JAK2: variants seen among roughly 807,000 people sequenced by gnomAD.
JAK2 encodes Janus kinase 2, also known as tyrosine-protein kinase JAK2.
JAK2 carries 86 observed loss-of-function variants against 139.3 expected under a neutral mutation model. That is an observed-to-expected ratio of 0.62 (90% confidence interval 0.52 to 0.74). JAK2 has a LOEUF of 0.74. Ranked by LOEUF, JAK2 falls within the 30% of genes least tolerant of loss-of-function variation. JAK2 has a pLI of 0.00. For missense variants in JAK2, 1,421 were observed against 1,360.3 expected (o/e 1.04, Z -0.70); for synonymous variants, 490 against 437.7 (o/e 1.12, Z -1.49).
intron 2 of JAK2, among the ~76,000 whole-genome samples, chr9:5,006,303 G>T (rs976698422): frequency 6.6e-6 from 1 of 152,126 alleles, no homozygotes; most frequent in African/African-American, 2.4e-5. Flanking sequence ...TGTGTTATTG[G>T]TGTATAAGAA....
At chr9:5,073,929 T>G in intron 14 of JAK2, 144 bp downstream of exon 14, 1 of 604,936 alleles carries the variant, frequency 1.7e-6, no homozygotes, top group Non-Finnish European at 2.9e-6. Context: ...CTGAAAACAC[T>G]GTAGGACTAT....
intron 19 of JAK2, among the ~76,000 whole-genome samples, chr9:5,083,067 G>C (rs1047523742): frequency 2.0e-5 from 3 of 152,174 alleles, no homozygotes; most frequent in African/African-American, 4.8e-5. Context: ...AGATGAATTA[G>C]GCAGTATTAT....
At chr9:5,107,465 C>G (rs1822057890) in intron 22 of JAK2, among the ~76,000 whole-genome samples, 1 of 152,080 alleles carries the variant, frequency 6.6e-6, no homozygotes, top group Non-Finnish European at 1.5e-5. Context: ...GCTATTCAAA[C>G]AAATTACCTA....
chr9:5,029,206 G>A (rs1257808054), intron 3 of JAK2, among the ~76,000 whole-genome samples: 2 of 152,100 alleles, frequency 1.3e-5, no homozygotes, highest in African/African-American at 4.8e-5. Context: ...TTTCCATATT[G>A]TTGTGTCTCA....
chr9:5,012,356 T>C (rs1230474812), intron 2 of JAK2, among the ~76,000 whole-genome samples: 5 of 152,196 alleles, frequency 3.3e-5, no homozygotes, highest in Non-Finnish European at 7.3e-5. Context: ...TGCCTTCAAA[T>C]GGTGTTTTTA....
At chr9:5,081,258 T>TA (rs2130614832) in intron 18 of JAK2, among the ~76,000 whole-genome samples, 1 of 93,282 alleles carries the variant, frequency 1.1e-5, no homozygotes, top group South Asian at 3.0e-4. Flanking sequence ...TAAATTATAG[T>TA]ATTTTTTTTT....
chr9:5,078,496 G>C (rs1188402313), intron 16 of JAK2, 52 bp downstream of exon 16: 66 of 1,379,308 alleles, frequency 4.8e-5, no homozygotes, highest in Non-Finnish European at 6.6e-5. Context: ...CTTGGGCAGT[G>C]GTGTAAAGGG....
intron 3 of JAK2, among the ~76,000 whole-genome samples, chr9:5,025,458 T>C (rs1338998424): frequency 6.6e-6 from 1 of 152,042 alleles, no homozygotes; most frequent in African/African-American, 2.4e-5. Context: ...TTGTTATTCT[T>C]CTTCCTTCCC....
intron 2 of JAK2, among the ~76,000 whole-genome samples, chr9:5,007,816 C>A (rs1217491895): frequency 1.3e-5 from 2 of 151,960 alleles, no homozygotes; most frequent in East Asian, 3.9e-4. Flanking sequence ...CAATCTCTGC[C>A]TCCCAGGTTC....
At chr9:5,032,101 A>G (rs927119660) in intron 4 of JAK2, among the ~76,000 whole-genome samples, 1 of 152,140 alleles carries the variant, frequency 6.6e-6, no homozygotes, top group African/African-American at 2.4e-5. Flanking sequence ...AATGGCACAT[A>G]TCCCGCGCCT....
Position 4,985,980 on chromosome 9 carries a change from CTCTTCTGCAGAAAAAGAGGCTCT to C in JAK2, c.-65_-43del, listed in dbSNP as rs1819926520. On this transcript the variant is annotated 5_prime_UTR_variant, in exon 2 of 25. Coordinates refer to ENST00000381652, the MANE Select transcript of JAK2 (RefSeq NM_004972.4). ...AACAGGAACAAGATGTGAACTGTTT[CTCTTCTGCAGAAAAAGAGGCTCT>C]TCCTCCTCCTCCCGCGACGGTGGGT... is the stretch of plus-strand genomic sequence containing the variant. 2.0e-5 allele frequency: 3 copies of C among 152,756 alleles called. No individual in the cohort carries two copies. In the South Asian group the frequency reaches 6.2e-4, roughly 32 times the overall value. 9.5% of individuals were successfully genotyped at this position (152,756 alleles called of 1,614,324 possible).
At chr9:4,999,121 G>A (rs1307574102) in intron 2 of JAK2, among the ~76,000 whole-genome samples, 1 of 152,114 alleles carries the variant, frequency 6.6e-6, no homozygotes, top group Non-Finnish European at 1.5e-5. Flanking sequence ...CACCGCACCC[G>A]GGCTCAGGAG....
chr9:5,081,635 C>G (rs955191145), intron 18 of JAK2, 90 bp from the exon 19 acceptor site: 2 of 843,304 alleles, frequency 2.4e-6, no homozygotes, highest in African/African-American at 1.7e-5. Flanking sequence ...TTTTAACTCA[C>G]GATTATTTTG....
At chr9:5,119,191 C>A (rs1273484575) in intron 22 of JAK2, among the ~76,000 whole-genome samples, 1 of 152,124 alleles carries the variant, frequency 6.6e-6, no homozygotes, top group African/African-American at 2.4e-5. Flanking sequence ...TCAAACAAAT[C>A]ACTTAATTTC....
rs928233055 is a variant in JAK2, at chr9:5,128,321, G to C, written c.*1530G>C. On this transcript the variant is annotated 3_prime_UTR_variant, in exon 25 of 25. Transcript: ENST00000381652. ...ATTTTTAAAGCATTTTAATAGTTCT[G>C]GATGCAGAAATCATCTAAAATGACA... 4.5e-6 allele frequency: 1 copy of C among 222,128 alleles called. No homozygotes were observed. Among genetic ancestry groups the C allele is most frequent in the Non-Finnish European group, 9.0e-6 (1 of 110,972 alleles). 13.8% of individuals were successfully genotyped at this position (222,128 alleles called of 1,614,324 possible). A position where few individuals can be genotyped will look rare whatever the true frequency, so the allele number is the denominator to read the frequency against.
At chr9:5,072,900 G>A (rs1292411746) in intron 13 of JAK2, among the ~76,000 whole-genome samples, 1 of 151,998 alleles carries the variant, frequency 6.6e-6, no homozygotes, top group African/African-American at 2.4e-5. Flanking sequence ...TTCAAACTTG[G>A]CTCCCCAGAG....
chr9:5,021,833 A>T, intron 2 of JAK2, 130 bp from the exon 3 acceptor site: 1 of 600,348 alleles, frequency 1.7e-6, no homozygotes, highest in Non-Finnish European at 2.9e-6. Context: ...AGGTTTCACC[A>T]TGTTGCTGAG....
intron 2 of JAK2, among the ~76,000 whole-genome samples, chr9:5,013,770 C>T (rs1309439371): frequency 2.6e-5 from 4 of 152,106 alleles, no homozygotes; most frequent in Non-Finnish European, 5.9e-5. Flanking sequence ...TTTTGTAGCA[C>T]TTAATTTTTA....
chr9:4,998,763 C>G (rs1303805395), intron 2 of JAK2, among the ~76,000 whole-genome samples: 2 of 151,588 alleles, frequency 1.3e-5, no homozygotes, highest in Admixed American at 6.6e-5. Flanking sequence ...CAACAAAAAA[C>G]CAAAACCAGA....
Sources: gnomAD v4.1 joint callset for allele counts (sites outside exome capture counted in the v4.1 genomes callset) on GRCh38, gnomAD v4.1.1 for gene constraint, MANE v1.5 for transcripts, NCBI Gene and HGNC (gene_info 2026-07-23, HGNC 2026-07-21) for gene names.